Variants in TRDN observed in about 807,000 individuals in gnomAD.
TRDN encodes triadin in skeletal muscle.
A neutral mutation model predicts 149.7 loss-of-function variants in TRDN; 161 were observed. The ratio of observed to expected loss-of-function variants is 1.08; its 90% CI spans 0.95 to 1.23. TRDN has a LOEUF of 1.23. TRDN is among the 50% of genes most tolerant of loss of function. The pLI is 0.00. For synonymous variants in TRDN, 294 were observed against 250.5 expected, an observed-to-expected ratio of 1.17 and a Z score of -1.64; for missense variants, 896 against 823.5, an observed-to-expected ratio of 1.09 and a Z score of -1.08.
intron 2 of TRDN, among the ~76,000 whole-genome samples, chr6:123,553,534 G>C (rs1421595410): frequency 1.3e-5 from 2 of 152,018 alleles, no homozygotes; most frequent in East Asian, 3.9e-4. Context: ...TAAACTTTTT[G>C]GTGTAAAGCA....
intron 9 of TRDN, among the ~76,000 whole-genome samples, chr6:123,491,284 A>C (rs1182603307): frequency 6.6e-6 from 1 of 152,190 alleles, no homozygotes; most frequent in Non-Finnish European, 1.5e-5. Flanking sequence ...CAGAAGTGAT[A>C]ATATATAATA....
chr6:123,634,063 A>T (rs1362505772), intron 1 of TRDN, among the ~76,000 whole-genome samples: 1 of 152,000 alleles, frequency 6.6e-6, no homozygotes, highest in Non-Finnish European at 1.5e-5. Context: ...TGATAAATGG[A>T]TGGAAAAGGT....
At chr6:123,430,911 A>G (rs890967705) in intron 12 of TRDN, among the ~76,000 whole-genome samples, 1 of 152,172 alleles carries the variant, frequency 6.6e-6, no homozygotes, top group Non-Finnish European at 1.5e-5. Context: ...TATAGTGGTA[A>G]CTCCATCTTA....
intron 1 of TRDN, among the ~76,000 whole-genome samples, chr6:123,574,314 TA>T (rs963202568): frequency 1.3e-5 from 2 of 151,714 alleles, no homozygotes; most frequent in South Asian, 2.1e-4. Context: ...GATAGCAAGA[TA>T]AAAAAAATAC....
chr6:123,582,176 GGGGGGCATTTCCACTCGAAC>G (rs1783153767), intron 1 of TRDN, among the ~76,000 whole-genome samples: 2 of 152,144 alleles, frequency 1.3e-5, no homozygotes, highest in Admixed American at 1.3e-4. Context: ...AACTCGAAAT[GGGGGGCATTTCCACTCGAAC>G]TGAGGGGCAG....
At chr6:123,456,688 C>T (rs13194238) in intron 10 of TRDN, 61,614 of 388,312 alleles carry the variant, frequency 0.16, 6,231 homozygotes, top group South Asian at 0.28. Flanking sequence ...AGGCTGGTCT[C>T]TAACTCCTGA....
chr6:123,302,102 T>A (rs1435957763), intron 24 of TRDN, among the ~76,000 whole-genome samples: 1 of 151,366 alleles, frequency 6.6e-6, no homozygotes, highest in African/African-American at 2.4e-5. Flanking sequence ...TATGTTTCTC[T>A]TGCAGGATCA....
chr6:123,550,758 CCATT>C (rs1356219100), intron 2 of TRDN, among the ~76,000 whole-genome samples: 1 of 151,924 alleles, frequency 6.6e-6, no homozygotes, highest in Non-Finnish European at 1.5e-5. Context: ...AGCACACAGA[CCATT>C]CAGTGACCCC....
intron 20 of TRDN, among the ~76,000 whole-genome samples, chr6:123,363,532 T>A (rs1780976784): frequency 6.6e-6 from 1 of 152,200 alleles, no homozygotes; most frequent in Admixed American, 6.5e-5. Context: ...AAATTGAGAA[T>A]TGGGGTATGA....
chr6:123,603,165 A>G (rs369629214), intron 1 of TRDN, among the ~76,000 whole-genome samples: 3 of 38,588 alleles, frequency 7.8e-5, no homozygotes, highest in South Asian at 7.7e-4. Context: ...TTTTCTGTGT[A>G]CACATAATCT....
intron 12 of TRDN, chr6:123,437,307 T>G: frequency 3.4e-6 from 1 of 292,800 alleles, no homozygotes; most frequent in Non-Finnish European, 6.6e-6. Context: ...AATCTCCCTT[T>G]TCTTAGAGCA....
chr6:123,620,948 T>C (rs1468681628), intron 1 of TRDN, among the ~76,000 whole-genome samples: 1 of 152,116 alleles, frequency 6.6e-6, no homozygotes, highest in Non-Finnish European at 1.5e-5. Context: ...CTCTCACCAG[T>C]GCCCAGGACA....
intron 6 of TRDN, among the ~76,000 whole-genome samples, chr6:123,515,470 T>A (rs1156929858): frequency 6.6e-6 from 1 of 151,812 alleles, no homozygotes; most frequent in Admixed American, 6.6e-5. Context: ...GAGGACAATA[T>A]TTAGTGATAT....
intron 1 of TRDN, among the ~76,000 whole-genome samples, chr6:123,615,416 G>A (rs1051669537): frequency 6.6e-6 from 1 of 152,060 alleles, no homozygotes; most frequent in Non-Finnish European, 1.5e-5. Context: ...ATCCACAGAT[G>A]AATGAAGAAA....
chr6:123,571,610 G>A (rs1782582847), intron 1 of TRDN, among the ~76,000 whole-genome samples: 1 of 151,856 alleles, frequency 6.6e-6, no homozygotes, highest in African/African-American at 2.4e-5. Flanking sequence ...GAGTCCACAT[G>A]TTCATGAGAG....
At chr6:123,551,374 C>CAT (rs1176927321) in intron 2 of TRDN, among the ~76,000 whole-genome samples, 6 of 151,066 alleles carry the variant, frequency 4.0e-5, no homozygotes, top group African/African-American at 1.5e-4. Context: ...CACACACACA[C>CAT]ACACACTTAA....
chr6:123,486,203 A>T (rs1777962108), intron 9 of TRDN, among the ~76,000 whole-genome samples: 1 of 151,912 alleles, frequency 6.6e-6, no homozygotes, highest in African/African-American at 2.4e-5. Context: ...AATGTTGTAT[A>T]TCTAAACGTC....
At chr6:123,615,477 T>G (rs1785035042) in intron 1 of TRDN, among the ~76,000 whole-genome samples, 1 of 152,042 alleles carries the variant, frequency 6.6e-6, no homozygotes, top group Non-Finnish European at 1.5e-5. Context: ...ATGGAATGTG[T>G]GTGTGTATGT....
chr6:123,541,632 A>C (rs942671889), intron 4 of TRDN, among the ~76,000 whole-genome samples: 1 of 152,312 alleles, frequency 6.6e-6, no homozygotes, highest in Admixed American at 6.5e-5. Flanking sequence ...GCGATATGCG[A>C]TGGTGCAGTT....
Sources: gnomAD v4.1 joint callset for allele counts (sites outside exome capture counted in the v4.1 genomes callset) on GRCh38, gnomAD v4.1.1 for gene constraint, MANE v1.5 for transcripts, NCBI Gene and HGNC (gene_info 2026-07-23, HGNC 2026-07-21) for gene names.